EYS: variants seen among roughly 807,000 people sequenced by gnomAD.
The protein encoded by EYS is protein eyes shut homolog.
In EYS, 250 loss-of-function variants were observed where a neutral mutation model predicts 282.1. That is an observed-to-expected ratio of 0.89 (90% CI 0.80 to 0.98). EYS has a LOEUF of 0.98. Ranked by LOEUF, EYS falls within the 50% of genes least tolerant of loss-of-function variation. The pLI is 0.00. For synonymous variants in EYS, 1,355 were observed against 1,282.9 expected, an observed-to-expected ratio of 1.06 and a Z score of -1.20; for missense variants, 4,016 against 3,709.0, an observed-to-expected ratio of 1.08 and a Z score of -2.15.
At chr6:64,419,567 G>C (rs973700152) in intron 28 of EYS, among the ~76,000 whole-genome samples, 2 of 152,208 alleles carry the variant, frequency 1.3e-5, no homozygotes, top group African/African-American at 2.4e-5. Flanking sequence ...TTACTTCCTA[G>C]ATAAAATGGC....
At chr6:64,401,563 G>A (rs1194771206) in intron 28 of EYS, among the ~76,000 whole-genome samples, 1 of 151,272 alleles carries the variant, frequency 6.6e-6, no homozygotes, top group Admixed American at 6.6e-5. Context: ...CATATTTATG[G>A]GCTACATGTG....
At chr6:64,683,606 T>C (rs1011924019) in intron 22 of EYS, among the ~76,000 whole-genome samples, 5 of 152,044 alleles carry the variant, frequency 3.3e-5, no homozygotes, top group African/African-American at 1.2e-4. Flanking sequence ...CTAGATGTCC[T>C]AGGATAGGAG....
chr6:65,239,846 C>A (rs900277925), intron 12 of EYS, among the ~76,000 whole-genome samples: 9 of 151,998 alleles, frequency 5.9e-5, no homozygotes, highest in African/African-American at 1.7e-4. Context: ...CAAATTACTA[C>A]CCTGATGAAT....
intron 12 of EYS, among the ~76,000 whole-genome samples, chr6:65,174,814 A>G (rs1201496599): frequency 6.6e-6 from 1 of 151,402 alleles, no homozygotes; most frequent in Non-Finnish European, 1.5e-5. Context: ...TGTATGTATT[A>G]TAATATGATA....
chr6:64,425,657 GAAAAAAA>G (rs34577912), intron 28 of EYS, among the ~76,000 whole-genome samples: 6 of 67,846 alleles, frequency 8.8e-5, no homozygotes, highest in Non-Finnish European at 1.1e-4. Flanking sequence ...TCCATCCCAG[GAAAAAAA>G]AAAAAAAAAA....
intron 22 of EYS, among the ~76,000 whole-genome samples, chr6:64,676,318 A>ATATC (rs1769674083): frequency 6.9e-6 from 1 of 145,416 alleles, no homozygotes; most frequent in African/African-American, 2.5e-5. Flanking sequence ...CAATATATCT[A>ATATC]TATATATATA....
chr6:64,165,506 T>C (rs555415320), intron 31 of EYS, among the ~76,000 whole-genome samples: 1 of 152,240 alleles, frequency 6.6e-6, no homozygotes, highest in South Asian at 2.1e-4. Flanking sequence ...GCAGGTGGTT[T>C]AGAATTTGGA....
At chr6:64,072,022 G>A (rs1028762595) in intron 32 of EYS, among the ~76,000 whole-genome samples, 9 of 151,804 alleles carry the variant, frequency 5.9e-5, no homozygotes, top group African/African-American at 1.9e-4. Flanking sequence ...ACAGAAGTAC[G>A]TTTCCCATTA....
At chr6:64,378,747 A>T (rs1031584422) in intron 29 of EYS, among the ~76,000 whole-genome samples, 1 of 152,144 alleles carries the variant, frequency 6.6e-6, no homozygotes, top group Non-Finnish European at 1.5e-5. Flanking sequence ...TAGGAATCCA[A>T]CTCCAGACCT....
chr6:63,905,231 T>TATC (rs1435162047), intron 35 of EYS, among the ~76,000 whole-genome samples: 1 of 144,402 alleles, frequency 6.9e-6, no homozygotes, highest in African/African-American at 2.6e-5. Context: ...TCGTAGCATG[T>TATC]ATCAGTACTT....
In EYS at chr6:63,938,465, C is replaced by T. The variant is rs144139556; in HGVS notation, c.7055+45918G>A. Reference sequence around the variant, plus strand: ...ACATTTAAAGATAACATTGGTCAGTCTGATCTACCATCCAGGCAGCCCAGT... The same window carrying T: ...ACATTTAAAGATAACATTGGTCAGTTTGATCTACCATCCAGGCAGCCCAGT... On this transcript the variant is annotated intron_variant, in intron 35 of 42. Coordinates refer to ENST00000503581, the MANE Select transcript of EYS (RefSeq NM_001142800.2). 4.5e-3 allele frequency among the ~76,000 whole-genome samples: 688 copies of T among 152,304 alleles called. 4 individuals are homozygous for T. Among genetic ancestry groups the T allele is most frequent in the African/African-American group, 0.015 (632 of 41,586 alleles).
chr6:64,240,344 C>A (rs932621867), intron 30 of EYS, among the ~76,000 whole-genome samples: 23 of 152,232 alleles, frequency 1.5e-4, no homozygotes, highest in Admixed American at 6.5e-4. Context: ...TTACTTTGGG[C>A]AATAGGCCAT....
At chr6:64,220,540 T>C (rs1766068776) in intron 31 of EYS, among the ~76,000 whole-genome samples, 1 of 152,106 alleles carries the variant, frequency 6.6e-6, no homozygotes, top group African/African-American at 2.4e-5. Flanking sequence ...CAGTATCTCT[T>C]CCCCAGGTTC....
intron 31 of EYS, among the ~76,000 whole-genome samples, chr6:64,122,547 T>TA (rs1773625088): frequency 6.6e-6 from 1 of 152,170 alleles, no homozygotes; most frequent in Non-Finnish European, 1.5e-5. Flanking sequence ...CCTGAGTTTT[T>TA]ATCCCCTTGT....
At position 63,728,245 on chromosome 6, in the gene EYS, A is replaced by G. The variant is rs140492871; in HGVS notation, c.8072-1565T>C. 7.1e-3 allele frequency among the ~76,000 whole-genome samples: 1,074 copies of G among 152,282 alleles called. 5 individuals carry two copies. The highest frequency in any genetic ancestry group is 0.014 in the Middle Eastern group (4 of 294). ...ATGTAGCCAGACTTTAAAAAAATAC[A>G]CATACAATTAACATATGCATATATC... On this transcript the variant is annotated intron_variant, in intron 41 of 42. Coordinates refer to ENST00000503581, the MANE Select transcript of EYS (RefSeq NM_001142800.2).
intron 26 of EYS, among the ~76,000 whole-genome samples, chr6:64,560,398 A>C (rs1300952599): frequency 6.6e-6 from 1 of 152,050 alleles, no homozygotes; most frequent in Non-Finnish European, 1.5e-5. Flanking sequence ...ATTAATTTTC[A>C]CAATAATTAT....
chr6:65,077,321 C>T (rs1056424377), intron 12 of EYS, among the ~76,000 whole-genome samples: 1 of 151,962 alleles, frequency 6.6e-6, no homozygotes, highest in African/African-American at 2.4e-5. Context: ...CTTGAATGAA[C>T]GTCTTAGTCC....
intron 5 of EYS, among the ~76,000 whole-genome samples, chr6:65,428,948 C>T (rs946600471): frequency 2.6e-5 from 4 of 151,730 alleles, no homozygotes; most frequent in Non-Finnish European, 2.9e-5. Context: ...TTTGGGAGGC[C>T]GAGGCAGGCA....
At chr6:64,833,646 T>G (rs1160338626) in intron 19 of EYS, among the ~76,000 whole-genome samples, 1 of 151,942 alleles carries the variant, frequency 6.6e-6, no homozygotes, top group East Asian at 1.9e-4. Flanking sequence ...GTAAATTTTT[T>G]GAATCAAAGT....
Sources: allele counts gnomAD v4.1 joint callset (sites outside exome capture counted in the v4.1 genomes callset), GRCh38; gene constraint gnomAD v4.1.1; transcripts MANE v1.5; gene names NCBI Gene and HGNC (gene_info 2026-07-23, HGNC 2026-07-21).